The following ASTN1 variants were observed in gnomAD, a reference collection of about 807,000 sequenced individuals.
ASTN1 encodes astrotactin 1.
Under a neutral mutation model 140.7 loss-of-function variants are expected in ASTN1, and 41 were observed. The ratio of observed to expected loss-of-function variants is 0.29; its 90% confidence interval spans 0.23 to 0.38. ASTN1 has a LOEUF of 0.38. Among genes scored for constraint, ASTN1 ranks in the 10% least tolerant of loss-of-function variants. ASTN1 has a pLI of 1.00. For missense variants in ASTN1, 1,479 were observed against 1,678.8 expected, an observed-to-expected ratio of 0.88 and a Z score of 2.08; for synonymous variants, 640 against 652.2, an observed-to-expected ratio of 0.98 and a Z score of 0.29.
At chr1:177,106,829 T>A (rs982185201) in intron 1 of ASTN1, among the ~76,000 whole-genome samples, 2 of 152,114 alleles carry the variant, frequency 1.3e-5, no homozygotes, top group African/African-American at 4.8e-5. Flanking sequence ...TCTCAGATAA[T>A]CATAGTAATT....
chr1:177,119,966 C>A (rs1681295936), intron 1 of ASTN1, among the ~76,000 whole-genome samples: 1 of 152,090 alleles, frequency 6.6e-6, no homozygotes, highest in African/African-American at 2.4e-5. Flanking sequence ...AAGCCAGGTG[C>A]CTTGTTGCAT....
chr1:176,933,025 T>G (rs570785394), intron 16 of ASTN1, among the ~76,000 whole-genome samples: 2 of 152,334 alleles, frequency 1.3e-5, no homozygotes, highest in South Asian at 4.1e-4. Flanking sequence ...TCCTAAAGTT[T>G]GAAGAGATAG....
At position 176,994,108 on chromosome 1, in the gene ASTN1, C is replaced by G. The variant is rs191954969; in HGVS notation, c.1523+20683G>C. 2.4e-4 allele frequency among the ~76,000 whole-genome samples: 36 copies of G among 149,744 alleles called. No homozygotes were observed. In the East Asian group the frequency reaches 4.1e-3, roughly 17 times the overall value. On this transcript the variant is annotated intron_variant, in intron 8 of 22. Transcript: ENST00000361833. ...ACTTGAAAGTTTTCACCCCACCCCC[C>G]CCGCCACCCACCAATGAGAACTAAG...
rs1571856498 is a variant in ASTN1, at chr1:177,151,195, A to G, written c.283+13199T>C. Among the ~76,000 whole-genome samples the G allele has an allele frequency of 2.0e-5, 3 of 152,122 alleles. No homozygotes were observed. The East Asian group carries it at 5.8e-4, about 29-fold the overall frequency. On this transcript the variant is annotated intron_variant, in intron 1 of 22. Coordinates refer to ENST00000361833, the MANE Select transcript of ASTN1 (RefSeq NM_004319.3). ...GAGAGTGAAATTGTATGGGCCTAGA[A>G]GAATGATTTTTAATTTTTTTCGAAT...
chr1:177,012,835 A>G (rs1675358323), intron 8 of ASTN1, among the ~76,000 whole-genome samples: 1 of 152,218 alleles, frequency 6.6e-6, no homozygotes, highest in Non-Finnish European at 1.5e-5. Context: ...CTCAGGGCAG[A>G]AGTGAAATAT....
intron 1 of ASTN1, among the ~76,000 whole-genome samples, chr1:177,148,651 CT>C (rs1038061114): frequency 8.4e-4 from 121 of 144,732 alleles, no homozygotes; most frequent in African/African-American, 2.9e-3. Flanking sequence ...AATGCACTAG[CT>C]TTTTTTTTTC....
chr1:177,161,393 T>G (rs1035513500), intron 1 of ASTN1, among the ~76,000 whole-genome samples: 4 of 152,218 alleles, frequency 2.6e-5, no homozygotes, highest in African/African-American at 9.6e-5. Context: ...TCTTCACCTT[T>G]CCTAGTCCAA....
At position 176,919,048 on chromosome 1, in the gene ASTN1, G is replaced by C. The variant is rs570991696; in HGVS notation, c.2671+15104C>G. ...CTCTTTAAAGGGGGCCACTGCCCCT[G>C]TTACCCATCCTAGCATCCTATTCAT... On this transcript the variant is annotated intron_variant, in intron 16 of 22. Transcript: ENST00000361833. 2.6e-5 allele frequency among the ~76,000 whole-genome samples: 4 copies of C among 152,320 alleles called. No homozygotes were observed. In the East Asian group the frequency reaches 7.7e-4, roughly 29 times the overall value.
At chr1:177,142,849 T>C (rs914717455) in intron 1 of ASTN1, among the ~76,000 whole-genome samples, 5 of 144,168 alleles carry the variant, frequency 3.5e-5, no homozygotes, top group East Asian at 2.1e-4. Flanking sequence ...AGAACATGCA[T>C]GGGAAATCAG....
At chr1:176,904,411 T>G (rs545982380) in intron 16 of ASTN1, among the ~76,000 whole-genome samples, 2 of 152,166 alleles carry the variant, frequency 1.3e-5, no homozygotes, top group South Asian at 4.2e-4. Context: ...CTCCGGGATG[T>G]GGAGATCTGT....
chr1:177,157,941 T>C (rs1428508206), intron 1 of ASTN1, among the ~76,000 whole-genome samples: 2 of 152,194 alleles, frequency 1.3e-5, no homozygotes, highest in African/African-American at 4.8e-5. Flanking sequence ...CTACAACTCA[T>C]TTATTCTCCT....
At chr1:176,886,890 G>A (rs532983382) in intron 18 of ASTN1, among the ~76,000 whole-genome samples, 1 of 152,320 alleles carries the variant, frequency 6.6e-6, no homozygotes, top group South Asian at 2.1e-4. Flanking sequence ...CATGCCAGCA[G>A]TCTTTATTAG....
chr1:176,987,474 C>G (rs922253046), intron 8 of ASTN1, among the ~76,000 whole-genome samples: 2 of 152,138 alleles, frequency 1.3e-5, no homozygotes, highest in South Asian at 4.1e-4. Context: ...TTAAAATATA[C>G]TCTATAGCTT....
intron 9 of ASTN1, among the ~76,000 whole-genome samples, chr1:176,962,366 A>C (rs1324787919): frequency 6.6e-6 from 1 of 152,228 alleles, no homozygotes; most frequent in African/African-American, 2.4e-5. Context: ...TAGGTTGAAC[A>C]TCAAGGTCTT....
intron 1 of ASTN1, among the ~76,000 whole-genome samples, chr1:177,072,929 T>C (rs1253988077): frequency 6.6e-6 from 1 of 152,180 alleles, no homozygotes; most frequent in Non-Finnish European, 1.5e-5. Context: ...TAAAACAATG[T>C]TAGTTGCGTT....
chr1:176,864,479 A>G lies in ASTN1; in HGVS notation c.3690T>C (p.Ser1230=). The G allele has an allele frequency of 6.2e-7, 1 of 1,614,122 alleles. No homozygotes were observed. Among genetic ancestry groups the G allele is most frequent in the Non-Finnish European group, 8.5e-7 (1 of 1,180,004 alleles). ...GTTCCTGAAGGAGTCCATTGCACCAACTGCTGAGGTCCCCAAGCTGGGAAA... is the reference window on the plus strand; with the variant it reads ...GTTCCTGAAGGAGTCCATTGCACCAGCTGCTGAGGTCCCCAAGCTGGGAAA... ...LILSQLGDLS[S]WCNGLLQEPK... The change falls in exon 23 of 23, where the codon AGT becomes AGC. Residue 1230 remains serine, a synonymous_variant. Coordinates refer to ENST00000361833, the MANE Select transcript of ASTN1 (RefSeq NM_004319.3).
intron 21 of ASTN1, 90 bp from the exon 22 acceptor site, chr1:176,869,117 GAC>G: frequency 1.2e-6 from 1 of 868,704 alleles, no homozygotes; most frequent in Non-Finnish European, 1.6e-6. Flanking sequence ...ATATCATATA[GAC>G]ATATCACATA....
At chr1:177,003,263 C>A in intron 8 of ASTN1, among the ~76,000 whole-genome samples, 1 of 133,618 alleles carries the variant, frequency 7.5e-6, no homozygotes. Context: ...CAAACCAAAT[C>A]CAACAACACA....
chr1:176,970,223 A>T (rs1673079696), intron 8 of ASTN1, among the ~76,000 whole-genome samples: 1 of 152,120 alleles, frequency 6.6e-6, no homozygotes, highest in South Asian at 2.1e-4. Flanking sequence ...GTTGGGCCAG[A>T]GGTTGGCTGT....
Sources: allele counts gnomAD v4.1 joint callset (sites outside exome capture counted in the v4.1 genomes callset), GRCh38; gene constraint gnomAD v4.1.1; transcripts MANE v1.5; gene names NCBI Gene and HGNC (gene_info 2026-07-23, HGNC 2026-07-21).